Variants in EYS observed in about 807,000 individuals in gnomAD.
EYS encodes the protein protein eyes shut homolog.
In EYS, 250 loss-of-function variants were observed where a neutral mutation model predicts 282.1. The ratio of observed to expected loss-of-function variants is 0.89; its 90% CI spans 0.80 to 0.98. EYS has a LOEUF of 0.98. Ranked by LOEUF, EYS falls within the 50% of genes least tolerant of loss-of-function variation. EYS has a pLI of 0.00. For synonymous variants in EYS, 1,355 were observed against 1,282.9 expected, an observed-to-expected ratio of 1.06 and a Z score of -1.20; for missense variants, 4,016 against 3,709.0, an observed-to-expected ratio of 1.08 and a Z score of -2.15.
At chr6:64,195,348 G>C (rs1765253420) in intron 31 of EYS, among the ~76,000 whole-genome samples, 1 of 152,124 alleles carries the variant, frequency 6.6e-6, no homozygotes, top group Non-Finnish European at 1.5e-5. Context: ...TGTCACCCAG[G>C]CTGGTGTGCA....
At chr6:64,136,433 A>T (rs1441851719) in intron 31 of EYS, among the ~76,000 whole-genome samples, 1 of 152,050 alleles carries the variant, frequency 6.6e-6, no homozygotes, top group Admixed American at 6.6e-5. Context: ...AGAATGGTGA[A>T]TTTTTTCCAG....
At chr6:63,844,778 G>T (rs1226514515) in intron 36 of EYS, among the ~76,000 whole-genome samples, 1 of 152,068 alleles carries the variant, frequency 6.6e-6, no homozygotes, top group African/African-American at 2.4e-5. Context: ...CAGATGGATA[G>T]ATTGCAAAAA....
At chr6:63,895,170 C>T (rs321509) in intron 35 of EYS, among the ~76,000 whole-genome samples, 135,518 of 151,668 alleles carry the variant, frequency 0.89, 61,053 homozygotes, top group Non-Finnish European at 0.95. Flanking sequence ...AGAATGGAGG[C>T]ATTGTACATA....
chr6:64,245,435 C>T (rs944608571), intron 30 of EYS, among the ~76,000 whole-genome samples: 2 of 149,380 alleles, frequency 1.3e-5, no homozygotes, highest in African/African-American at 5.1e-5. Flanking sequence ...TTACCTAAGC[C>T]TCCCAAAGTA....
intron 22 of EYS, among the ~76,000 whole-genome samples, chr6:64,766,134 G>A (rs1025192161): frequency 6.6e-6 from 1 of 150,874 alleles, no homozygotes; most frequent in African/African-American, 2.4e-5. Flanking sequence ...CACCATATTG[G>A]CCAGGATGGT....
At chr6:64,185,341 T>G (rs1324162412) in intron 31 of EYS, among the ~76,000 whole-genome samples, 1 of 150,586 alleles carries the variant, frequency 6.6e-6, no homozygotes, top group Non-Finnish European at 1.5e-5. Flanking sequence ...ATAAAAAAGC[T>G]TTATCAGAAA....
Position 63,720,505 on chromosome 6 carries a change from CAGTT to C in EYS, c.*87_*90del. On this transcript the variant is annotated 3_prime_UTR_variant, in exon 43 of 43. Coordinates refer to ENST00000503581, the MANE Select transcript of EYS (RefSeq NM_001142800.2). ...AGACTATTTCAGGTAATATAGTAAA[CAGTT>C]GATTCCCCGTAAGCAATGTATCAAA... 1 of 897,820 alleles carries C rather than the reference CAGTT, an allele frequency of 1.1e-6. No homozygotes were observed. The highest frequency in any genetic ancestry group is 1.6e-6 in the Non-Finnish European group (1 of 613,398). 55.6% of individuals were successfully genotyped at this position (897,820 alleles called of 1,614,324 possible).
At position 65,619,797 on chromosome 6, in the gene EYS, A is replaced by G. The variant is rs552023827; in HGVS notation, c.-333+19981T>C. ...GAATTTTGTCAAAGGCCTTTTCTGC[A>G]TCTATTGAGATAATCATGCGGTTTT... On this transcript the variant is annotated intron_variant, in intron 2 of 42. Transcript: ENST00000503581. Among the ~76,000 whole-genome samples the G allele has an allele frequency of 2.1e-4, 32 of 151,046 alleles. 1 individual carries two copies. The East Asian group carries it at 6.0e-3, about 28-fold the overall frequency.
intron 26 of EYS, among the ~76,000 whole-genome samples, chr6:64,453,463 T>A (rs2150479381): frequency 6.6e-6 from 1 of 152,280 alleles, no homozygotes; most frequent in Non-Finnish European, 1.5e-5. Flanking sequence ...TCCTCAGGGA[T>A]CTAGAACTGG....
chr6:65,188,480 G>C (rs1029131807), intron 12 of EYS, among the ~76,000 whole-genome samples: 4 of 151,124 alleles, frequency 2.6e-5, no homozygotes, highest in Admixed American at 6.6e-5. Flanking sequence ...TTTATCCAGG[G>C]AAAATATTTT....
At chr6:64,891,693 T>G (rs1194900423) in intron 18 of EYS, among the ~76,000 whole-genome samples, 1 of 152,124 alleles carries the variant, frequency 6.6e-6, no homozygotes, top group African/African-American at 2.4e-5. Context: ...TGATTTTTAT[T>G]AATGTCCTAA....
At chr6:65,026,217 G>A (rs1010957256) in intron 13 of EYS, among the ~76,000 whole-genome samples, 6 of 152,092 alleles carry the variant, frequency 3.9e-5, no homozygotes, top group Non-Finnish European at 8.8e-5. Context: ...TTTCATAAAT[G>A]AAACAGGGTT....
At chr6:64,574,282 G>T (rs1765814423) in intron 26 of EYS, among the ~76,000 whole-genome samples, 1 of 152,008 alleles carries the variant, frequency 6.6e-6, no homozygotes, top group Non-Finnish European at 1.5e-5. Flanking sequence ...ATTGGTGGGT[G>T]GGGGCAAGGG....
intron 24 of EYS, among the ~76,000 whole-genome samples, chr6:64,609,481 GT>G (rs1326030298): frequency 6.6e-6 from 1 of 152,158 alleles, no homozygotes; most frequent in East Asian, 1.9e-4. Flanking sequence ...GGCTAGAGAA[GT>G]TATCAGGAAG....
At chr6:65,188,764 C>CAAAAAAA (rs777137794) in intron 12 of EYS, among the ~76,000 whole-genome samples, 23 of 78,680 alleles carry the variant, frequency 2.9e-4, no homozygotes, top group Admixed American at 7.3e-4. Context: ...TTATTGCATG[C>CAAAAAAA]AAAAAAAAAA....
At chr6:63,969,533 C>A (rs1240850791) in intron 35 of EYS, among the ~76,000 whole-genome samples, 2 of 152,106 alleles carry the variant, frequency 1.3e-5, no homozygotes, top group African/African-American at 4.8e-5. Flanking sequence ...ATTATAGAAT[C>A]CTTCAATAAC....
intron 19 of EYS, among the ~76,000 whole-genome samples, chr6:64,850,542 G>A (rs1448252633): frequency 6.6e-6 from 1 of 151,986 alleles, no homozygotes; most frequent in Non-Finnish European, 1.5e-5. Context: ...ATTAGAAAGG[G>A]AAATAAGACA....
In EYS at chr6:65,490,695, G is replaced by T. The variant is rs1287245341; in HGVS notation, c.761C>A (p.Ser254Ter). ...TGGTTGACACTGGCCAATTATTTCT[G>T]AGCAATTCTTTCCTATAACAATGAA... is the stretch of plus-strand genomic sequence containing the variant. ...CHPPFTGKNCSEIIGQCQPHV... is the reference protein window; with the variant it reads ...CHPPFTGKNC Residue 254 changes from serine (S) to a stop codon, truncating the protein, a stop_gained, in exon 5 of 43, where the codon TCA becomes TAA. Coordinates refer to ENST00000503581, the MANE Select transcript of EYS (RefSeq NM_001142800.2). LOFTEE classifies it high-confidence loss of function. The T allele has an allele frequency of 6.2e-7, 1 of 1,609,720 alleles. No individual in the cohort carries two copies.
intron 5 of EYS, among the ~76,000 whole-genome samples, chr6:65,442,856 GTACATATATACATACATATACACATA>G (rs1562185065): frequency 7.3e-5 from 9 of 123,186 alleles, no homozygotes; most frequent in Admixed American, 1.8e-4. Flanking sequence ...ACATACATAT[GTACATATATACATACATATACACATA>G]CATATGTACA....
Sources: allele counts gnomAD v4.1 joint callset (sites outside exome capture counted in the v4.1 genomes callset), GRCh38; gene constraint gnomAD v4.1.1; transcripts MANE v1.5; gene names NCBI Gene and HGNC (gene_info 2026-07-23, HGNC 2026-07-21).